Variants in PRPSAP2 observed in about 807,000 individuals in gnomAD.
PRPSAP2 encodes phosphoribosyl pyrophosphate synthetase associated protein 2.
A neutral mutation model predicts 40.6 loss-of-function variants in PRPSAP2; 24 were observed. That is an observed-to-expected ratio of 0.59 (90% CI 0.43 to 0.83). PRPSAP2 has a LOEUF of 0.83. Among genes scored for constraint, PRPSAP2 ranks in the 40% least tolerant of loss-of-function variants. The pLI is 0.00. For missense variants in PRPSAP2, 292 were observed against 465.6 expected (o/e 0.63, Z 3.43); for synonymous variants, 149 against 164.7 (o/e 0.90, Z 0.73).
intron 1 of PRPSAP2, among the ~76,000 whole-genome samples, chr17:18,862,393 C>G (rs1567661229): frequency 1.3e-5 from 2 of 152,184 alleles, no homozygotes; most frequent in Admixed American, 1.3e-4. Flanking sequence ...AGTGTTCCAA[C>G]TCCTATCAGG....
chr17:18,896,611 T>G (rs1177553658), intron 8 of PRPSAP2, among the ~76,000 whole-genome samples: 1 of 55,314 alleles, frequency 1.8e-5, no homozygotes, highest in Non-Finnish European at 4.0e-5. Flanking sequence ...GTCTAGCCCC[T>G]TGTTTTACTC....
chr17:18,888,931 C>G (rs2039359430), intron 7 of PRPSAP2, among the ~76,000 whole-genome samples: 1 of 152,228 alleles, frequency 6.6e-6, no homozygotes, highest in Admixed American at 6.5e-5. Context: ...AGAGTCCTTT[C>G]TTTTAGGTCC....
Position 18,914,248 on chromosome 17 carries a change from G to GTT in PRPSAP2, c.733+2997_733+2998insTT, listed in dbSNP as rs1567738744. Among the ~76,000 whole-genome samples, 7 of 76,466 alleles carry GTT rather than the reference G, an allele frequency of 9.2e-5. No individual in the cohort carries two copies. In the East Asian group the frequency reaches 2.2e-3, roughly 24 times the overall value. 50.2% of individuals were successfully genotyped at this position (76,466 alleles called of 152,430 possible). A position where few individuals can be genotyped will look rare whatever the true frequency, so the allele number is the denominator to read the frequency against. Reference sequence around the variant, plus strand: ...GGAGTTCTGTCCTGAACATGTTTTTGCTTTTTTTTTTTTTTTTTTTTTTTT... The same window carrying GTT: ...GGAGTTCTGTCCTGAACATGTTTTTGTTCTTTTTTTTTTTTTTTTTTTTTTTT... On this transcript the variant is annotated intron_variant, in intron 9 of 11. Coordinates refer to ENST00000268835, the MANE Select transcript of PRPSAP2 (RefSeq NM_002767.4).
intron 9 of PRPSAP2, among the ~76,000 whole-genome samples, chr17:18,914,243 T>C (rs1449648592): frequency 1.5e-5 from 2 of 137,326 alleles, no homozygotes; most frequent in African/African-American, 2.7e-5. Context: ...CCTGAACATG[T>C]TTTTGCTTTT....
intron 9 of PRPSAP2, among the ~76,000 whole-genome samples, chr17:18,916,985 A>G (rs2041355835): frequency 6.6e-6 from 1 of 152,220 alleles, no homozygotes; most frequent in South Asian, 2.1e-4. Flanking sequence ...TCTTCAGACC[A>G]CAGCACTCTC....
At chr17:18,874,694 G>A (rs2038143549) in intron 5 of PRPSAP2, among the ~76,000 whole-genome samples, 1 of 152,318 alleles carries the variant, frequency 6.6e-6, no homozygotes, top group South Asian at 2.1e-4. Context: ...GTGGGGGCAC[G>A]GAGCGCCAAC....
chr17:18,871,653 CTTTTTTTTTTTTTT>C (rs142523345), intron 4 of PRPSAP2, among the ~76,000 whole-genome samples: 2 of 129,784 alleles, frequency 1.5e-5, no homozygotes, highest in Non-Finnish European at 3.3e-5. Context: ...ATATAATTTT[CTTTTTTTTTTTTTT>C]TTTTTTTTTT....
intron 8 of PRPSAP2, among the ~76,000 whole-genome samples, chr17:18,891,437 C>T (rs1859536686): frequency 6.6e-6 from 1 of 152,192 alleles, no homozygotes. Flanking sequence ...ACCTGATCTC[C>T]TCTTGTCCAT....
At chr17:18,891,129 G>A (rs2039520455) in intron 8 of PRPSAP2, among the ~76,000 whole-genome samples, 1 of 152,186 alleles carries the variant, frequency 6.6e-6, no homozygotes, top group African/African-American at 2.4e-5. Context: ...TCACTGGATT[G>A]TTGTTGAGTC....
Position 18,911,051 on chromosome 17 carries a change from C to G in PRPSAP2, c.585-52C>G. 1 of 1,536,022 alleles carries G rather than the reference C, an allele frequency of 6.5e-7. No individual in the cohort carries two copies. Reference sequence around the variant, plus strand: ...TAATGTTTTGTCCCCTAGGCATTAGCAGAACCAAGGGCTGCATGAGTTTTG... The same window carrying G: ...TAATGTTTTGTCCCCTAGGCATTAGGAGAACCAAGGGCTGCATGAGTTTTG... On this transcript the variant is annotated intron_variant, in intron 8 of 11. Transcript: ENST00000268835. The surrounding 1 kb of genome is among the most constrained non-coding windows in gnomAD (Gnocchi z 4.5).
intron 8 of PRPSAP2, among the ~76,000 whole-genome samples, chr17:18,897,860 A>G (rs1377499716): frequency 6.6e-6 from 1 of 152,010 alleles, no homozygotes; most frequent in African/African-American, 2.4e-5. Flanking sequence ...TACTGATGTC[A>G]TTTTATCAGC....
intron 1 of PRPSAP2, 196 bp downstream of exon 1, chr17:18,858,457 C>T (rs2036757900): frequency 6.6e-6 from 1 of 152,570 alleles, no homozygotes; most frequent in Non-Finnish European, 1.5e-5. Flanking sequence ...CCTTCTTCCT[C>T]TCCCGCCAGG....
At chr17:18,918,976 C>T (rs980861277) in intron 9 of PRPSAP2, among the ~76,000 whole-genome samples, 6 of 152,064 alleles carry the variant, frequency 3.9e-5, no homozygotes, top group Admixed American at 1.3e-4. Context: ...TCTGAAATTG[C>T]ATATGTGGCT....
At chr17:18,885,007 G>A (rs1324383918) in intron 7 of PRPSAP2, among the ~76,000 whole-genome samples, 1 of 152,178 alleles carries the variant, frequency 6.6e-6, no homozygotes, top group Non-Finnish European at 1.5e-5. Context: ...GCAAGGTCAG[G>A]CTGGAAGCCT....
intron 9 of PRPSAP2, among the ~76,000 whole-genome samples, chr17:18,912,552 T>C (rs1011040560): frequency 6.6e-6 from 1 of 152,192 alleles, no homozygotes; most frequent in Non-Finnish European, 1.5e-5. Flanking sequence ...AATTTCAGCA[T>C]CACCTCAAAA....
chr17:18,923,160 G>T lies in PRPSAP2; in HGVS notation c.734-754G>T, dbSNP rs575007765. ...GCTAGAGTGCAGTGGCATGATCTCG[G>T]CTCACTGCAAGCTCCACATCTCAGG... On this transcript the variant is annotated intron_variant, in intron 9 of 11. Transcript: ENST00000268835. Among the ~76,000 whole-genome samples the T allele has an allele frequency of 3.1e-3, 476 of 151,452 alleles. 1 individual carries two copies. Among genetic ancestry groups the T allele is most frequent in the African/African-American group, 0.011 (460 of 41,308 alleles).
rs748805910 is a variant in PRPSAP2, at chr17:18,911,295, G to A, written c.733+44G>A. On this transcript the variant is annotated intron_variant, in intron 9 of 11. Transcript: ENST00000268835. The surrounding 1 kb of genome is among the most constrained non-coding windows in gnomAD (Gnocchi z 4.5). The stretch of plus-strand genomic sequence containing the variant: ...CTTTCCCACTTTCCTCTGATTTTAA[G>A]GCTGACTACACTGTTGTCTGTGTGG... 1.9e-6 allele frequency: 3 copies of A among 1,560,728 alleles called. No individual in the cohort carries two copies. In the South Asian group the frequency reaches 3.5e-5, roughly 18 times the overall value.
chr17:18,861,137 A>G (rs1165115836), intron 1 of PRPSAP2, among the ~76,000 whole-genome samples: 3 of 152,134 alleles, frequency 2.0e-5, no homozygotes, highest in Non-Finnish European at 2.9e-5. Flanking sequence ...CACAGCCTTA[A>G]TTACCAACAG....
intron 9 of PRPSAP2, 99 bp from the exon 10 acceptor site, chr17:18,923,815 A>C: frequency 9.5e-7 from 1 of 1,049,406 alleles, no homozygotes; most frequent in Non-Finnish European, 1.4e-6. Flanking sequence ...TTGTATTCCT[A>C]GTTGGTTGAA....
Sources: allele counts gnomAD v4.1 joint callset (sites outside exome capture counted in the v4.1 genomes callset), GRCh38; gene constraint gnomAD v4.1.1; non-coding constraint Gnocchi (gnomAD v3.1); transcripts MANE v1.5; gene names NCBI Gene and HGNC (gene_info 2026-07-23, HGNC 2026-07-21).